The following MTMR3 variants were observed in gnomAD, a reference collection of about 807,000 sequenced individuals.
The protein encoded by MTMR3 is myotubularin related protein 3.
Under a neutral mutation model 132.4 loss-of-function variants are expected in MTMR3, and 32 were observed. The observed-to-expected ratio is 0.24, with a 90% CI of 0.18 to 0.32. The LOEUF is 0.32. Ranked by LOEUF, MTMR3 falls within the 10% of genes least tolerant of loss-of-function variation. The pLI is 1.00. For missense variants in MTMR3, 1,216 were observed against 1,489.6 expected (o/e 0.82, Z 3.02); for synonymous variants, 556 against 550.3 (o/e 1.01, Z -0.14).
chr22:29,883,964 C>G (rs763879416), intron 1 of MTMR3, among the ~76,000 whole-genome samples: 1 of 152,140 alleles, frequency 6.6e-6, no homozygotes, highest in African/African-American at 2.4e-5. Context: ...CAGACTGCTC[C>G]GCAAATGATT....
At chr22:29,996,750 A>T (rs1303442254) in intron 7 of MTMR3, 1 of 151,970 alleles carries the variant, frequency 6.6e-6, no homozygotes, top group Non-Finnish European at 1.5e-5. Flanking sequence ...TTTTTGAGAC[A>T]GGGTCTCACT....
intron 15 of MTMR3, chr22:30,017,711 A>G (rs2067630545): frequency 7.9e-6 from 4 of 505,982 alleles, no homozygotes; most frequent in Middle Eastern, 4.7e-4. Context: ...CATGCTCTCA[A>G]GTGGCTCTTA....
intron 1 of MTMR3, among the ~76,000 whole-genome samples, chr22:29,889,582 T>C (rs1177226125): frequency 4.6e-5 from 7 of 151,946 alleles, no homozygotes; most frequent in Admixed American, 1.3e-4. Flanking sequence ...CCACTGCACC[T>C]GGCCCAGAAC....
intron 12 of MTMR3, chr22:30,012,111 A>C: frequency 2.8e-6 from 1 of 357,400 alleles, no homozygotes. Flanking sequence ...TGCCCGGGGA[A>C]TCATCCATAC....
At chr22:29,973,650 A>G (rs28727496) in intron 3 of MTMR3, among the ~76,000 whole-genome samples, 1 of 152,082 alleles carries the variant, frequency 6.6e-6, no homozygotes, top group Non-Finnish European at 1.5e-5. Flanking sequence ...CCCAGGCTGG[A>G]ATGCAATGGC....
At position 30,013,629 on chromosome 22, in the gene MTMR3, G is replaced by A; in HGVS notation, c.1503+88G>A. ...GCCAGTTCTCACATGAAACTGTGCT[G>A]CCTCTTCAGAATTTAATAGAGGTGA... is the stretch of plus-strand genomic sequence containing the variant. On this transcript the variant is annotated intron_variant, in intron 14 of 19. Coordinates refer to ENST00000401950, the MANE Select transcript of MTMR3 (RefSeq NM_021090.4). 4 of 1,249,180 alleles carry A rather than the reference G, an allele frequency of 3.2e-6. No individual in the cohort carries two copies. The Admixed American group carries it at 7.1e-5, about 22-fold the overall frequency. 77.4% of individuals were successfully genotyped at this position (1,249,180 alleles called of 1,614,324 possible).
At chr22:29,997,660 T>C (rs1194950774) in intron 7 of MTMR3, 1 of 152,200 alleles carries the variant, frequency 6.6e-6, no homozygotes, top group Admixed American at 6.5e-5. Flanking sequence ...TTGCAAATAA[T>C]CAGCACTTAG....
intron 11 of MTMR3, 116 bp downstream of exon 11, chr22:30,008,148 T>C: frequency 7.3e-7 from 1 of 1,361,456 alleles, no homozygotes; most frequent in Admixed American, 2.3e-5. Flanking sequence ...TCATCCATCC[T>C]GTCGTGAGAG....
At chr22:29,910,671 T>C (rs944035446) in intron 1 of MTMR3, among the ~76,000 whole-genome samples, 1 of 152,026 alleles carries the variant, frequency 6.6e-6, no homozygotes, top group South Asian at 2.1e-4. Flanking sequence ...TGCTAAACTG[T>C]CATATATATA....
chr22:29,970,248 C>T (rs866048222), intron 2 of MTMR3, among the ~76,000 whole-genome samples: 1 of 152,306 alleles, frequency 6.6e-6, no homozygotes. Context: ...TTGGTTTCCT[C>T]AGATGGGGGA....
In MTMR3 at chr22:30,025,866, G is replaced by T; in HGVS notation, c.*65G>T. On this transcript the variant is annotated 3_prime_UTR_variant, in exon 20 of 20. Transcript: ENST00000401950. ...CCTATGACAGGCCCACTCAACCTGG[G>T]CAGACCGAGAGGCCCGTGCACTTTG... The T allele has an allele frequency of 6.4e-7, 1 of 1,570,028 alleles. No homozygotes were observed. The highest frequency in any genetic ancestry group is 8.7e-7 in the Non-Finnish European group (1 of 1,143,618).
chr22:29,920,065 T>C (rs753568125), intron 1 of MTMR3, among the ~76,000 whole-genome samples: 1 of 151,698 alleles, frequency 6.6e-6, no homozygotes, highest in Admixed American at 6.6e-5. Flanking sequence ...AATATGAAAA[T>C]TAGCTGGGCA....
At chr22:29,940,216 C>T (rs565666600) in intron 1 of MTMR3, among the ~76,000 whole-genome samples, 7 of 152,098 alleles carry the variant, frequency 4.6e-5, no homozygotes, top group South Asian at 2.1e-4. Flanking sequence ...TGCAGTGAGC[C>T]GAGATTGTGC....
At chr22:30,008,482 T>TA (rs1445565992) in intron 11 of MTMR3, 1 of 165,562 alleles carries the variant, frequency 6.0e-6, no homozygotes, top group Non-Finnish European at 1.3e-5. Context: ...CCTAGTAAGG[T>TA]ATCTCTGTCC....
At chr22:29,911,373 T>C (rs1055048628) in intron 1 of MTMR3, among the ~76,000 whole-genome samples, 3 of 151,894 alleles carry the variant, frequency 2.0e-5, no homozygotes, top group Non-Finnish European at 2.9e-5. Context: ...GGGAGACTTG[T>C]CTCTACAAAA....
chr22:29,967,860 TG>T (rs1437957446), intron 2 of MTMR3, among the ~76,000 whole-genome samples: 1 of 152,066 alleles, frequency 6.6e-6, no homozygotes, highest in East Asian at 1.9e-4. Context: ...TTCATCTATG[TG>T]TGTCATGTAT....
rs552125505 is a variant in MTMR3 at position 30,006,899 on chromosome 22, C to T, written c.672-215C>T. 72 of 537,160 alleles carry T rather than the reference C, an allele frequency of 1.3e-4. 1 individual carries two copies. In the South Asian group the frequency reaches 1.3e-3, roughly 10 times the overall value. 33.3% of individuals were successfully genotyped at this position (537,160 alleles called of 1,614,324 possible). A position where few individuals can be genotyped will look rare whatever the true frequency, so the allele number is the denominator to read the frequency against. The stretch of plus-strand genomic sequence containing the variant: ...TTTTGGGTAACTTTACAGGGATCTC[C>T]GTGATGTTATGGTAATTGAGAAAGA... On this transcript the variant is annotated intron_variant, in intron 9 of 19. Coordinates refer to ENST00000401950, the MANE Select transcript of MTMR3 (RefSeq NM_021090.4).
At chr22:29,896,155 C>T (rs1568993975) in intron 1 of MTMR3, among the ~76,000 whole-genome samples, 1 of 151,992 alleles carries the variant, frequency 6.6e-6, no homozygotes, top group Non-Finnish European at 1.5e-5. Context: ...ACTAAAAATA[C>T]AAAAATTAGT....
chr22:29,992,778 T>G (rs1232962068), intron 7 of MTMR3: 2 of 152,376 alleles, frequency 1.3e-5, no homozygotes, highest in East Asian at 1.9e-4. Flanking sequence ...TTTGTTACTT[T>G]GTTCTCTGGC....
Sources: allele counts gnomAD v4.1 joint callset (sites outside exome capture counted in the v4.1 genomes callset), GRCh38; gene constraint gnomAD v4.1.1; transcripts MANE v1.5; gene names NCBI Gene and HGNC (gene_info 2026-07-23, HGNC 2026-07-21).